Variants in PCGF5 observed in about 807,000 individuals in gnomAD.
PCGF5 encodes polycomb group RING finger protein 5.
In PCGF5, 9 loss-of-function variants were observed where a neutral mutation model predicts 44.3. The ratio of observed to expected loss-of-function variants is 0.20; its 90% CI spans 0.12 to 0.35. The LOEUF (loss-of-function observed/expected upper bound fraction) is 0.35, where lower values mean the gene tolerates loss of function less well. Among genes scored for constraint, PCGF5 ranks in the 10% least tolerant of loss-of-function variants. The pLI, the probability that PCGF5 is intolerant of heterozygous loss-of-function variation, is 1.00. For missense variants in PCGF5, 146 were observed against 305.3 expected (o/e 0.48, Z 3.89); for synonymous variants, 95 against 102.5 (o/e 0.93, Z 0.44).
upstream of PCGF5, among the ~76,000 whole-genome samples, chr10:91,160,658 C>T (rs1041142635): frequency 5.9e-5 from 9 of 151,494 alleles, no homozygotes; most frequent in Non-Finnish European, 7.4e-5. Flanking sequence ...AGAAGTCAGG[C>T]GGAGATATAT....
intron 9 of PCGF5, among the ~76,000 whole-genome samples, chr10:91,277,763 G>A (rs954859774): frequency 6.6e-6 from 1 of 152,022 alleles, no homozygotes; most frequent in African/African-American, 2.4e-5. Flanking sequence ...TTTAAAAAAT[G>A]TTTCAAACTT....
At chr10:91,177,585 C>G (rs1843732962) in intron 1 of PCGF5, among the ~76,000 whole-genome samples, 1 of 152,194 alleles carries the variant, frequency 6.6e-6, no homozygotes, top group Admixed American at 6.5e-5. Flanking sequence ...CTTTGTTTAC[C>G]TACTCAAGCC....
At chr10:91,194,324 C>G (rs1844088033) in intron 1 of PCGF5, among the ~76,000 whole-genome samples, 1 of 152,112 alleles carries the variant, frequency 6.6e-6, no homozygotes, top group African/African-American at 2.4e-5. Context: ...AGTAGAGTAT[C>G]TTTCCCATGG....
intron 1 of PCGF5, among the ~76,000 whole-genome samples, chr10:91,167,161 CT>C (rs59862992): frequency 0.2 from 30,956 of 152,074 alleles, 5,820 homozygotes; most frequent in African/African-American, 0.5. Flanking sequence ...TCTAAATTAA[CT>C]TTTATGATAA....
rs1457582441 is a variant in PCGF5 at position 91,251,292 on chromosome 10, A to G, written c.326A>G (p.Asp109Gly). 6.2e-7 allele frequency: 1 copy of G among 1,603,892 alleles called. No individual in the cohort carries two copies. Among genetic ancestry groups the G allele is most frequent in the South Asian group, 1.1e-5 (1 of 90,744 alleles). ...ACTTAGTTTTGTTTAAATTATACAG[A>G]TGATACTTCAAAAGCTGACAAACCG... ...KKNKPQENGQ[D>G]DTSKADKPKV... Residue 109 changes from aspartate (D) to glycine (G), a missense_variant and splice_region_variant, in exon 6 of 10, where the codon GAT (aspartate) becomes GGT (glycine). By Grantham distance (94) the Asp-to-Gly change is moderately conservative. Transcript: ENST00000336126.
chr10:91,187,958 T>A (rs531158605), intron 1 of PCGF5, among the ~76,000 whole-genome samples: 3 of 151,918 alleles, frequency 2.0e-5, no homozygotes, highest in African/African-American at 7.2e-5. Context: ...TTTTTTTTTT[T>A]ATTTTAAACT....
At chr10:91,193,229 G>A (rs1844065671) in intron 1 of PCGF5, among the ~76,000 whole-genome samples, 2 of 152,178 alleles carry the variant, frequency 1.3e-5, no homozygotes, top group Non-Finnish European at 1.5e-5. Flanking sequence ...AAAGGAGCTT[G>A]GAAGGAGATC....
chr10:91,223,677 T>C (rs1279976502), intron 2 of PCGF5, among the ~76,000 whole-genome samples: 1 of 152,218 alleles, frequency 6.6e-6, no homozygotes, highest in Non-Finnish European at 1.5e-5. Flanking sequence ...TTTCATTTTT[T>C]ATTTCAGTGA....
chr10:91,282,262 A>C lies in PCGF5; in HGVS notation c.*3946A>C, dbSNP rs944516810. 2 of 152,238 alleles carry C rather than the reference A, an allele frequency of 1.3e-5. No homozygotes were observed. The highest frequency in any genetic ancestry group is 2.9e-5 in the Non-Finnish European group (2 of 68,078). The allele number at this position is 152,238 out of a possible 1,614,324, so 9.4% of individuals were successfully genotyped here. A position where few individuals can be genotyped will look rare whatever the true frequency, so the allele number is the denominator to read the frequency against. On this transcript the variant is annotated 3_prime_UTR_variant, in exon 10 of 10. Transcript: ENST00000336126. ...CACTTTGGGAGGCCAAGGCAGGTGG[A>C]TCACTTGAGGTCAGGAGTTCGAGAC...
At chr10:91,267,299 G>C (rs1228035044) in intron 8 of PCGF5, among the ~76,000 whole-genome samples, 1 of 152,024 alleles carries the variant, frequency 6.6e-6, no homozygotes, top group Non-Finnish European at 1.5e-5. Context: ...CCCCTCTCCC[G>C]ATGGCATTCT....
chr10:91,275,691 G>A, intron 9 of PCGF5, among the ~76,000 whole-genome samples: 1 of 149,618 alleles, frequency 6.7e-6, no homozygotes, highest in African/African-American at 2.5e-5. Flanking sequence ...TTGACCTCGT[G>A]ATCTGCCCGC....
intron 9 of PCGF5, among the ~76,000 whole-genome samples, chr10:91,275,927 G>A (rs181162307): frequency 2.0e-5 from 3 of 152,232 alleles, no homozygotes; most frequent in African/African-American, 4.8e-5. Context: ...AAACTCAAAT[G>A]TGCAGCAAAA....
intron 1 of PCGF5, among the ~76,000 whole-genome samples, chr10:91,191,504 A>G (rs1291958724): frequency 6.6e-6 from 1 of 152,246 alleles, no homozygotes. Flanking sequence ...GAAGTTGACC[A>G]TGGGTAACTG....
chr10:91,191,141 T>C (rs1240883427), intron 1 of PCGF5, among the ~76,000 whole-genome samples: 1 of 152,200 alleles, frequency 6.6e-6, no homozygotes, highest in Non-Finnish European at 1.5e-5. Context: ...ATACATATGA[T>C]AAAGTTTAAT....
intron 1 of PCGF5, among the ~76,000 whole-genome samples, chr10:91,164,104 T>C (rs2133152743): frequency 6.6e-6 from 1 of 152,010 alleles, no homozygotes; most frequent in African/African-American, 2.4e-5. Context: ...CGATGATTCA[T>C]GCGGGGTACA....
In PCGF5 at chr10:91,281,186, T is replaced by A. The variant is rs1846443607; in HGVS notation, c.*2870T>A. 1 of 152,426 alleles carries A rather than the reference T, an allele frequency of 6.6e-6. No homozygotes were observed. Among genetic ancestry groups the A allele is most frequent in the Non-Finnish European group, 1.5e-5 (1 of 67,906 alleles). 9.4% of individuals were successfully genotyped at this position (152,426 alleles called of 1,614,324 possible). ...CAAAGTATGAAAAAATAAACTAAAATGCTCATTGATGAGGTAATACTCAGT... is the reference window on the plus strand; with the variant it reads ...CAAAGTATGAAAAAATAAACTAAAAAGCTCATTGATGAGGTAATACTCAGT... On this transcript the variant is annotated 3_prime_UTR_variant, in exon 10 of 10. Transcript: ENST00000336126.
chr10:91,208,587 A>G (rs576190982), intron 1 of PCGF5, among the ~76,000 whole-genome samples: 1 of 152,196 alleles, frequency 6.6e-6, no homozygotes, highest in Non-Finnish European at 1.5e-5. Context: ...TCCCTGTATT[A>G]GTATGAAAAA....
chr10:91,180,296 G>C (rs769314425), intron 1 of PCGF5, among the ~76,000 whole-genome samples: 8 of 152,114 alleles, frequency 5.3e-5, no homozygotes, highest in Non-Finnish European at 1.2e-4. Context: ...TCTGTAGGTT[G>C]TCTGTTTATT....
At chr10:91,184,795 C>G (rs1416288113) in intron 1 of PCGF5, among the ~76,000 whole-genome samples, 1 of 152,048 alleles carries the variant, frequency 6.6e-6, no homozygotes, top group African/African-American at 2.4e-5. Context: ...GGGGTCTGCT[C>G]CAGTCCCTAG....
Sources: allele counts gnomAD v4.1 joint callset (sites outside exome capture counted in the v4.1 genomes callset), GRCh38; gene constraint gnomAD v4.1.1; transcripts MANE v1.5; gene names NCBI Gene and HGNC (gene_info 2026-07-23, HGNC 2026-07-21).